Variants in ASIC2 observed in about 807,000 individuals in gnomAD.
ASIC2 encodes acid-sensing ion channel 2.
In ASIC2, 25 loss-of-function variants were observed where a neutral mutation model predicts 57.3. The ratio of observed to expected loss-of-function variants is 0.44; its 90% CI spans 0.32 to 0.61. ASIC2 has a LOEUF of 0.61. Among genes scored for constraint, ASIC2 ranks in the 20% least tolerant of loss-of-function variants. ASIC2 has a pLI of 0.06. For synonymous variants in ASIC2, 319 were observed against 307.5 expected (o/e 1.04, Z -0.39); for missense variants, 641 against 738.1 (o/e 0.87, Z 1.52).
intron 1 of ASIC2, among the ~76,000 whole-genome samples, chr17:33,280,979 C>T (rs1196298686): frequency 2.0e-5 from 3 of 152,114 alleles, no homozygotes; most frequent in African/African-American, 7.2e-5. Flanking sequence ...ATCAGATATG[C>T]CATCAGAATC....
intron 1 of ASIC2, among the ~76,000 whole-genome samples, chr17:34,096,223 T>A (rs1251626917): frequency 1.3e-5 from 2 of 152,050 alleles, no homozygotes; most frequent in Non-Finnish European, 2.9e-5. Context: ...TCAGAGGAAG[T>A]GATTTCTAAG....
chr17:33,055,097 T>A (rs780313942), intron 3 of ASIC2, among the ~76,000 whole-genome samples: 2 of 152,210 alleles, frequency 1.3e-5, no homozygotes, highest in Non-Finnish European at 2.9e-5. Flanking sequence ...AGGAATACAA[T>A]GCAGGACAGT....
intron 1 of ASIC2, among the ~76,000 whole-genome samples, chr17:33,967,601 C>T (rs1449607883): frequency 6.6e-6 from 1 of 152,176 alleles, no homozygotes; most frequent in East Asian, 1.9e-4. Context: ...CCACTGTTAC[C>T]TTATAAAGTC....
At chr17:33,043,881 C>T (rs968064008) in intron 3 of ASIC2, among the ~76,000 whole-genome samples, 4 of 152,028 alleles carry the variant, frequency 2.6e-5, no homozygotes, top group East Asian at 1.9e-4. Flanking sequence ...TGGTTGGAAG[C>T]GAAGTTGCAG....
intron 3 of ASIC2, among the ~76,000 whole-genome samples, chr17:33,083,968 C>T (rs943701179): frequency 6.6e-6 from 1 of 152,148 alleles, no homozygotes; most frequent in Admixed American, 6.5e-5. Context: ...GGCTACTCCA[C>T]CCCAGCTCCT....
intron 1 of ASIC2, among the ~76,000 whole-genome samples, chr17:33,350,485 G>A (rs1023348678): frequency 6.6e-6 from 1 of 152,056 alleles, no homozygotes; most frequent in Admixed American, 6.5e-5. Flanking sequence ...TTTGAGACCA[G>A]CCTGGCCAAC....
intron 1 of ASIC2, among the ~76,000 whole-genome samples, chr17:33,899,725 A>G (rs1567750583): frequency 6.6e-6 from 1 of 152,232 alleles, no homozygotes; most frequent in Non-Finnish European, 1.5e-5. Flanking sequence ...TTGTGTTCAA[A>G]ATTTAATCAT....
intron 1 of ASIC2, among the ~76,000 whole-genome samples, chr17:33,556,804 A>C (rs1329885097): frequency 6.6e-6 from 1 of 152,234 alleles, no homozygotes; most frequent in African/African-American, 2.4e-5. Flanking sequence ...CCTACATAAA[A>C]AGAAGCCATT....
intron 1 of ASIC2, among the ~76,000 whole-genome samples, chr17:33,869,608 A>G (rs927692104): frequency 1.3e-5 from 2 of 152,242 alleles, no homozygotes; most frequent in Admixed American, 6.5e-5. Context: ...TGCACTTCTA[A>G]AACATCAGCT....
At chr17:33,733,953 A>G (rs1469746683) in intron 1 of ASIC2, among the ~76,000 whole-genome samples, 1 of 152,156 alleles carries the variant, frequency 6.6e-6, no homozygotes, top group African/African-American at 2.4e-5. Flanking sequence ...GGCACTGCTG[A>G]ACAACACTGG....
chr17:33,764,131 A>AAAAAC (rs907205225), intron 1 of ASIC2, among the ~76,000 whole-genome samples: 2 of 152,098 alleles, frequency 1.3e-5, no homozygotes, highest in African/African-American at 4.8e-5. Flanking sequence ...GTCTCTACTG[A>AAAAAC]AAAACAAAAC....
rs115998202 is a variant in ASIC2, at chr17:33,682,466, G to A, written c.555+473512C>T. 8.5e-3 allele frequency among the ~76,000 whole-genome samples: 1,290 copies of A among 152,004 alleles called. 19 individuals carry two copies. Among genetic ancestry groups the A allele is most frequent in the African/African-American group, 0.029 (1,197 of 41,420 alleles). On this transcript the variant is annotated intron_variant, in intron 1 of 9. Transcript: ENST00000359872. ...CCCCACATCCAGAAGACCTGCGTGC[G>A]GCCTCTAGAAATCACATTAAATCTA... is the stretch of plus-strand genomic sequence containing the variant.
rs1461330113 is a variant in ASIC2 at position 33,292,617 on chromosome 17, C to T, written c.-502G>A. 2.0e-6 allele frequency: 2 copies of T among 985,516 alleles called. No homozygotes were observed. The highest frequency in any genetic ancestry group is 3.5e-5 in the African/African-American group (2 of 57,256). 61.0% of individuals were successfully genotyped at this position (985,516 alleles called of 1,614,324 possible). On this transcript the variant is annotated 5_prime_UTR_variant, in exon 1 of 10. Transcript: ENST00000225823. ...TGGACATCCCCAGGGACCCCACCAGCCCGGCCCGTAGCCCAGCGGTGCTGG... is the reference window on the plus strand; with the variant it reads ...TGGACATCCCCAGGGACCCCACCAGTCCGGCCCGTAGCCCAGCGGTGCTGG...
At chr17:33,208,916 A>C (rs1022251884) in intron 1 of ASIC2, among the ~76,000 whole-genome samples, 2 of 151,994 alleles carry the variant, frequency 1.3e-5, no homozygotes, top group African/African-American at 2.4e-5. Context: ...TTCATAGTGT[A>C]CTTGTTTTTG....
At chr17:33,165,616 G>C (rs1012666695) in intron 1 of ASIC2, among the ~76,000 whole-genome samples, 1 of 152,118 alleles carries the variant, frequency 6.6e-6, no homozygotes, top group South Asian at 2.1e-4. Flanking sequence ...AGCCAAAAAA[G>C]CCTTTATTTC....
chr17:33,528,923 C>G (rs1180334401), intron 1 of ASIC2, among the ~76,000 whole-genome samples: 3 of 152,218 alleles, frequency 2.0e-5, no homozygotes, highest in Non-Finnish European at 2.9e-5. Context: ...TTCTGCCTTT[C>G]TGCCTGCTGC....
At chr17:34,095,459 T>C (rs952649537) in intron 1 of ASIC2, among the ~76,000 whole-genome samples, 16 of 151,918 alleles carry the variant, frequency 1.1e-4, no homozygotes, top group African/African-American at 3.4e-4. Flanking sequence ...TGTAAGTGGT[T>C]TGCACTCAGT....
At chr17:34,109,049 A>AT (rs11444981) in intron 1 of ASIC2, among the ~76,000 whole-genome samples, 133,041 of 150,116 alleles carry the variant, frequency 0.89, 59,187 homozygotes, top group African/African-American at 0.94. Context: ...ATTTTATTTT[A>AT]TTTTTATTTT....
At chr17:34,125,526 C>A (rs1911753560) in intron 1 of ASIC2, among the ~76,000 whole-genome samples, 1 of 152,036 alleles carries the variant, frequency 6.6e-6, no homozygotes, top group Non-Finnish European at 1.5e-5. Flanking sequence ...ACCAGAGAAC[C>A]AGTCTCAGAA....
Sources: gnomAD v4.1 joint callset for allele counts (sites outside exome capture counted in the v4.1 genomes callset) on GRCh38, gnomAD v4.1.1 for gene constraint, MANE v1.5 for transcripts, NCBI Gene and HGNC (gene_info 2026-07-23, HGNC 2026-07-21) for gene names.